CALD1: variants seen among roughly 807,000 people sequenced by gnomAD.
CALD1 encodes caldesmon.
CALD1 carries 33 observed loss-of-function variants against 99.9 expected under a neutral mutation model. That is an observed-to-expected ratio of 0.33 (90% CI 0.25 to 0.44). The LOEUF (loss-of-function observed/expected upper bound fraction) is 0.44. CALD1 is among the 20% of genes least tolerant of loss of function. CALD1 has a pLI of 1.00. For synonymous variants in CALD1, 310 were observed against 325.0 expected, an observed-to-expected ratio of 0.95 and a Z score of 0.50; for missense variants, 861 against 962.1, an observed-to-expected ratio of 0.89 and a Z score of 1.39.
rs756754424 is a variant in CALD1, at chr7:134,960,013, G to A, written c.2101G>A (p.Asp701Asn). 32 of 1,614,134 alleles carry A rather than the reference G, an allele frequency of 2.0e-5. No individual in the cohort carries two copies. The highest frequency in any genetic ancestry group is 2.6e-5 in the Non-Finnish European group (31 of 1,180,010). The stretch of plus-strand genomic sequence containing the variant: ...AAAACCTACAAAGCCGGCAGCCTCG[G>A]ATCTTCCTGTTCCTGCTGAAGGTGT... ...SAKPTKPAASDLPVPAEGVRN... is the reference protein window; with the variant it reads ...SAKPTKPAASNLPVPAEGVRN... The change falls in exon 12 of 15, where the codon GAT (aspartate) becomes AAT (asparagine). Residue 701 changes from aspartate (D) to asparagine (N), a missense_variant. Asp to Asn is a conservative substitution (Grantham distance 23, BLOSUM62 1). This residue lies in a region of CALD1 where 190 missense variants were observed against 249.0 expected (regional missense o/e 0.76). Coordinates refer to ENST00000361675, the MANE Select transcript of CALD1 (RefSeq NM_033138.4).
chr7:134,914,656 G>A (rs1236019313), intron 3 of CALD1, among the ~76,000 whole-genome samples: 1 of 152,136 alleles, frequency 6.6e-6, no homozygotes, highest in Non-Finnish European at 1.5e-5. Flanking sequence ...ATGGAATTGT[G>A]TGCTTTTCCA....
At chr7:134,922,871 T>C (rs1804718401) in intron 3 of CALD1, among the ~76,000 whole-genome samples, 1 of 152,190 alleles carries the variant, frequency 6.6e-6, no homozygotes, top group South Asian at 2.1e-4. Flanking sequence ...AGACCTAAAA[T>C]ATCTTCAGTG....
At chr7:134,784,655 T>C (rs1451434844) in intron 1 of CALD1, among the ~76,000 whole-genome samples, 3 of 152,148 alleles carry the variant, frequency 2.0e-5, no homozygotes, top group East Asian at 1.9e-4. Context: ...CAAACTTTGG[T>C]AGCTCAAGTA....
At chr7:134,787,135 T>C (rs941290506) in intron 1 of CALD1, among the ~76,000 whole-genome samples, 3 of 152,232 alleles carry the variant, frequency 2.0e-5, no homozygotes, top group African/African-American at 7.2e-5. Context: ...TTTCTAAAAA[T>C]TATAGTTGCA....
intron 1 of CALD1, among the ~76,000 whole-genome samples, chr7:134,812,940 G>A (rs1026173299): frequency 6.6e-6 from 1 of 152,164 alleles, no homozygotes; most frequent in Non-Finnish European, 1.5e-5. Flanking sequence ...ACATTTAAAG[G>A]TCAGAGTAAA....
Position 134,795,126 on chromosome 7 carries a change from C to T in CALD1, c.-130+15377C>T, listed in dbSNP as rs78800508. On this transcript the variant is annotated intron_variant, in intron 1 of 14. Coordinates refer to ENST00000361675, the MANE Select transcript of CALD1 (RefSeq NM_033138.4). ...TTTACTTATTTGGGAATTTTGACCA[C>T]AATTTTCTTTCTCTTTTTTTTTCAA... 7.0e-3 allele frequency among the ~76,000 whole-genome samples: 1,059 copies of T among 152,196 alleles called. 22 individuals are homozygous for T. The highest frequency in any genetic ancestry group is 0.024 in the African/African-American group (996 of 41,526).
chr7:134,805,677 A>C (rs1451799440), intron 1 of CALD1, among the ~76,000 whole-genome samples: 1 of 152,108 alleles, frequency 6.6e-6, no homozygotes, highest in Non-Finnish European at 1.5e-5. Context: ...CTATGGGTTC[A>C]GGAGTGCTGG....
At chr7:134,842,006 C>A (rs1799670735) in intron 1 of CALD1, among the ~76,000 whole-genome samples, 1 of 152,192 alleles carries the variant, frequency 6.6e-6, no homozygotes, top group Non-Finnish European at 1.5e-5. Context: ...CACCATCCAA[C>A]CTCCAGGGAC....
Position 134,947,558 on chromosome 7 carries a change from C to T in CALD1, c.1583C>T (p.Pro528Leu), listed in dbSNP as rs751262549. Residue 528 changes from proline (P) to leucine (L), a missense_variant, in exon 8 of 15, where the codon CCC (proline) becomes CTC (leucine). Transcript: ENST00000361675. ...GACACCAAGGAGGCTGAGGGCGCCCCCCAGGTGGAAGCCGGCAAAAGGCTG... is the reference window on the plus strand; with the variant it reads ...GACACCAAGGAGGCTGAGGGCGCCCTCCAGGTGGAAGCCGGCAAAAGGCTG... ...SVDTKEAEGA[P>L]QVEAGKRLEE... 6.4e-7 allele frequency: 1 copy of T among 1,563,326 alleles called. No individual in the cohort carries two copies. Among genetic ancestry groups the T allele is most frequent in the South Asian group, 1.2e-5 (1 of 84,874 alleles).
intron 1 of CALD1, among the ~76,000 whole-genome samples, chr7:134,803,805 C>A (rs1390665746): frequency 1.3e-5 from 2 of 151,788 alleles, no homozygotes; most frequent in Non-Finnish European, 2.9e-5. Flanking sequence ...AAGCGATTCT[C>A]CTGCCTCAGC....
In CALD1 at chr7:134,933,384, A is replaced by G; in HGVS notation, c.615A>G (p.Glu205=). The change falls in exon 5 of 15, where the codon GAA becomes GAG. Residue 205 remains glutamate, a synonymous_variant. Coordinates refer to ENST00000361675, the MANE Select transcript of CALD1 (RefSeq NM_033138.4). The part of the protein sequence containing the change: ...EEKPKRGSIG[E]NQVEVMVEEK... Reference sequence around the variant, plus strand: ...AGCCAAAGCGAGGGAGCATTGGAGAAAATCAGGTAGAGGTGATGGTGGAAG... The same window carrying G: ...AGCCAAAGCGAGGGAGCATTGGAGAGAATCAGGTAGAGGTGATGGTGGAAG... The G allele has an allele frequency of 6.2e-7, 1 of 1,611,584 alleles. No homozygotes were observed. Among genetic ancestry groups the G allele is most frequent in the South Asian group, 1.1e-5 (1 of 90,616 alleles).
chr7:134,795,355 C>G (rs1797706640), intron 1 of CALD1, among the ~76,000 whole-genome samples: 1 of 152,006 alleles, frequency 6.6e-6, no homozygotes, highest in Non-Finnish European at 1.5e-5. Flanking sequence ...GGGGAGTTCC[C>G]CTGCACATGT....
chr7:134,843,056 G>A (rs1799713168), intron 1 of CALD1, among the ~76,000 whole-genome samples: 1 of 152,208 alleles, frequency 6.6e-6, no homozygotes, highest in Non-Finnish European at 1.5e-5. Context: ...ACTCGGGGAG[G>A]AAGACAGGCT....
At chr7:134,958,786 G>A (rs1807983959) in intron 11 of CALD1, among the ~76,000 whole-genome samples, 1 of 150,560 alleles carries the variant, frequency 6.6e-6, no homozygotes, top group African/African-American at 2.4e-5. Context: ...TTTTAGGAGA[G>A]TTTTAAATAA....
At chr7:134,838,184 A>G (rs1367971948) in intron 1 of CALD1, among the ~76,000 whole-genome samples, 3 of 152,184 alleles carry the variant, frequency 2.0e-5, no homozygotes. Context: ...TCATTTATAC[A>G]AATATCTGTA....
intron 1 of CALD1, among the ~76,000 whole-genome samples, chr7:134,751,341 G>A (rs1796684150): frequency 6.6e-6 from 1 of 152,128 alleles, no homozygotes; most frequent in Non-Finnish European, 1.5e-5. Context: ...TCTCCTCTCT[G>A]TCTTCCAATA....
intron 1 of CALD1, among the ~76,000 whole-genome samples, chr7:134,823,904 C>T (rs1798882797): frequency 6.6e-6 from 1 of 152,182 alleles, no homozygotes; most frequent in Non-Finnish European, 1.5e-5. Flanking sequence ...GTGGTCTTAA[C>T]TCCTACATAA....
chr7:134,881,146 C>T (rs2132425936), intron 3 of CALD1, among the ~76,000 whole-genome samples: 2 of 152,216 alleles, frequency 1.3e-5, no homozygotes, highest in East Asian at 3.9e-4. Flanking sequence ...TGGGTTATGT[C>T]ATCAGAAATT....
intron 1 of CALD1, among the ~76,000 whole-genome samples, chr7:134,803,449 T>G (rs1245359617): frequency 6.6e-6 from 1 of 152,122 alleles, no homozygotes; most frequent in Non-Finnish European, 1.5e-5. Context: ...TTAAGAAATA[T>G]TTGCATACTC....
Sources: gnomAD v4.1 joint callset for allele counts (sites outside exome capture counted in the v4.1 genomes callset) on GRCh38, gnomAD v4.1.1 for gene constraint, gnomAD v4.1.1 regional missense constraint, MANE v1.5 for transcripts, NCBI Gene and HGNC (gene_info 2026-07-23, HGNC 2026-07-21) for gene names.